The following LIMCH1 variants were observed in gnomAD, a reference collection of about 807,000 sequenced individuals.
LIMCH1 encodes the protein LIM and calponin homology domains 1.
LIMCH1 carries 113 observed loss-of-function variants against 176.5 expected under a neutral mutation model. The observed-to-expected ratio is 0.64, with a 90% confidence interval of 0.55 to 0.75. The LOEUF is 0.75. Among genes scored for constraint, LIMCH1 ranks in the 30% least tolerant of loss-of-function variants. The pLI is 0.00. For missense variants in LIMCH1, 1,674 were observed against 1,814.9 expected, an observed-to-expected ratio of 0.92 and a Z score of 1.41; for synonymous variants, 619 against 645.9, an observed-to-expected ratio of 0.96 and a Z score of 0.63.
At position 41,650,482 on chromosome 4, in the gene LIMCH1, C is replaced by T. The variant is rs774305336; in HGVS notation, c.2910C>T (p.Ser970=). 1 of 1,614,098 alleles carries T rather than the reference C, an allele frequency of 6.2e-7. No individual in the cohort carries two copies. Among genetic ancestry groups the T allele is most frequent in the South Asian group, 1.1e-5 (1 of 91,078 alleles). The change falls in exon 18 of 32, where the codon TCC becomes TCT. Residue 970 remains serine, a synonymous_variant. Transcript: ENST00000503057. The stretch of plus-strand genomic sequence containing the variant: ...GTCCCACGGTGGCACCTGCCCACTC[C>T]TTAACCAAATCCCAGATGTTTGAAG... ...RECPTVAPAH[S]LTKSQMFEGV...
chr4:41,573,780 G>A (rs929632362), intron 1 of LIMCH1, among the ~76,000 whole-genome samples: 3 of 152,084 alleles, frequency 2.0e-5, no homozygotes, highest in Non-Finnish European at 2.9e-5. Context: ...CATTTTTAAG[G>A]TTTTTGAGAC....
At chr4:41,609,304 ATT>A (rs778615849) in intron 4 of LIMCH1, among the ~76,000 whole-genome samples, 2 of 145,948 alleles carry the variant, frequency 1.4e-5, no homozygotes, top group East Asian at 4.0e-4. Flanking sequence ...TTTTCTGTGT[ATT>A]TTTTGTCTTC....
intron 1 of LIMCH1, among the ~76,000 whole-genome samples, chr4:41,455,921 TC>T (rs375834440): frequency 6.3e-4 from 96 of 152,362 alleles, no homozygotes; most frequent in African/African-American, 2.2e-3. Flanking sequence ...AATCTCTTGT[TC>T]CTTTAAAATG....
intron 1 of LIMCH1, among the ~76,000 whole-genome samples, chr4:41,466,836 C>T (rs2066186601): frequency 1.3e-5 from 2 of 152,132 alleles, no homozygotes; most frequent in East Asian, 1.9e-4. Flanking sequence ...AGTGCATTCA[C>T]ATTTTTCTGC....
chr4:41,446,976 T>C (rs2063346225), intron 1 of LIMCH1, among the ~76,000 whole-genome samples: 1 of 152,174 alleles, frequency 6.6e-6, no homozygotes, highest in Non-Finnish European at 1.5e-5. Context: ...TGTCTGTAAC[T>C]CCTGCACTTT....
intron 1 of LIMCH1, among the ~76,000 whole-genome samples, chr4:41,439,829 G>T (rs1489317641): frequency 6.6e-6 from 1 of 151,994 alleles, no homozygotes; most frequent in African/African-American, 2.4e-5. Context: ...ACTTGAACCC[G>T]GGAGGCAGAG....
intron 1 of LIMCH1, among the ~76,000 whole-genome samples, chr4:41,476,692 G>A (rs1414274364): frequency 1.3e-5 from 2 of 152,192 alleles, no homozygotes; most frequent in Non-Finnish European, 2.9e-5. Flanking sequence ...ATTAAATGAG[G>A]CATCTTGTCT....
Position 41,626,937 on chromosome 4 carries a change from G to T in LIMCH1, c.955G>T (p.Gly319Trp), listed in dbSNP as rs1337320039. The change falls in exon 8 of 32, where the codon GGG becomes TGG. Residue 319 changes from glycine (G) to tryptophan (W), a missense_variant. Around this residue, in one of 3 missense-constraint regions of LIMCH1, gnomAD observed 655 missense variants for 692.2 expected, o/e 0.95. Transcript: ENST00000503057. Reference sequence around the variant, plus strand: ...CCTCTATGGCCCTTATCCAAAGAAAGGGGCAGAGAAATCAGATGGCAGCAA... The same window carrying T: ...CCTCTATGGCCCTTATCCAAAGAAATGGGCAGAGAAATCAGATGGCAGCAA... ...QLLYGPYPKKGAEKSDGSKQL... is the reference protein window; with the variant it reads ...QLLYGPYPKKWAEKSDGSKQL... 6.5e-7 allele frequency: 1 copy of T among 1,536,060 alleles called. No individual in the cohort carries two copies. Among genetic ancestry groups the T allele is most frequent in the Non-Finnish European group, 8.7e-7 (1 of 1,146,910 alleles).
chr4:41,379,601 T>G (rs561375077), intron 1 of LIMCH1, among the ~76,000 whole-genome samples: 1 of 152,216 alleles, frequency 6.6e-6, no homozygotes, highest in East Asian at 1.9e-4. Flanking sequence ...AAAGCCATCA[T>G]AAGTGGCTAC....
At chr4:41,593,084 G>T (rs2087953836) in intron 1 of LIMCH1, among the ~76,000 whole-genome samples, 4 of 152,166 alleles carry the variant, frequency 2.6e-5, no homozygotes. Flanking sequence ...CCCTCACCTT[G>T]CCTTTGGAGT....
At chr4:41,642,984 C>T (rs950669716) in intron 14 of LIMCH1, among the ~76,000 whole-genome samples, 3 of 152,192 alleles carry the variant, frequency 2.0e-5, no homozygotes, top group African/African-American at 7.2e-5. Context: ...TAATAGAAAC[C>T]TCAGCTAAGA....
chr4:41,400,179 T>G (rs1326599426), intron 1 of LIMCH1, among the ~76,000 whole-genome samples: 1 of 152,090 alleles, frequency 6.6e-6, no homozygotes, highest in East Asian at 1.9e-4. Context: ...CAACTGAAAT[T>G]ATTTTGCATT....
chr4:41,621,553 G>A (rs1554132514), intron 7 of LIMCH1, among the ~76,000 whole-genome samples: 1 of 151,078 alleles, frequency 6.6e-6, no homozygotes, highest in Non-Finnish European at 1.5e-5. Flanking sequence ...CCAAGCTGGG[G>A]TGCAGTGGTG....
chr4:41,388,925 GAGCCACTGCACCCAGCCCATAA>G (rs1416211489), intron 1 of LIMCH1, among the ~76,000 whole-genome samples: 1 of 152,236 alleles, frequency 6.6e-6, no homozygotes, highest in Non-Finnish European at 1.5e-5. Flanking sequence ...TTACAGGCGT[GAGCCACTGCACCCAGCCCATAA>G]AGCTGTTTTT....
intron 2 of LIMCH1, among the ~76,000 whole-genome samples, chr4:41,521,405 T>C (rs1050885728): frequency 6.6e-6 from 1 of 152,180 alleles, no homozygotes; most frequent in Admixed American, 6.5e-5. Flanking sequence ...TATATAAATA[T>C]AACATATCAT....
chr4:41,584,385 T>A (rs2086074467), intron 1 of LIMCH1, among the ~76,000 whole-genome samples: 1 of 152,186 alleles, frequency 6.6e-6, no homozygotes, highest in African/African-American at 2.4e-5. Flanking sequence ...GAATATGATG[T>A]GAAAATACAA....
At chr4:41,461,691 T>C (rs993381155) in intron 1 of LIMCH1, among the ~76,000 whole-genome samples, 9 of 152,234 alleles carry the variant, frequency 5.9e-5, no homozygotes, top group African/African-American at 2.2e-4. Flanking sequence ...TCTTGAAAGC[T>C]TGGCAGTTTC....
chr4:41,430,258 T>C (rs552793886), intron 1 of LIMCH1, among the ~76,000 whole-genome samples: 1 of 152,272 alleles, frequency 6.6e-6, no homozygotes, highest in Non-Finnish European at 1.5e-5. Context: ...CTGTATTTTA[T>C]TATATTTATC....
At chr4:41,681,497 G>A (rs1370695481) in intron 25 of LIMCH1, among the ~76,000 whole-genome samples, 2 of 151,988 alleles carry the variant, frequency 1.3e-5, no homozygotes, top group Non-Finnish European at 2.9e-5. Flanking sequence ...TTCTCCACCA[G>A]CATCCATGAA....
Sources: allele counts gnomAD v4.1 joint callset (sites outside exome capture counted in the v4.1 genomes callset), GRCh38; gene constraint gnomAD v4.1.1; regional missense constraint gnomAD v4.1.1; transcripts MANE v1.5; gene names NCBI Gene and HGNC (gene_info 2026-07-23, HGNC 2026-07-21).